Variants in FCRL2 observed in about 807,000 individuals in gnomAD.
FCRL2 encodes Fc receptor like 2.
In FCRL2, 48 loss-of-function variants were observed where a neutral mutation model predicts 59.8. That is an observed-to-expected ratio of 0.80 (90% confidence interval 0.64 to 1.02). The LOEUF is 1.02. Among genes scored for constraint, FCRL2 ranks in the 50% least tolerant of loss-of-function variants. The pLI is 0.00. For synonymous variants in FCRL2, 251 were observed against 229.5 expected, an observed-to-expected ratio of 1.09 and a Z score of -0.85; for missense variants, 658 against 597.3, an observed-to-expected ratio of 1.10 and a Z score of -1.06.
At position 157,748,561 on chromosome 1, in the gene FCRL2, T is replaced by G; in HGVS notation, c.1451A>C (p.Glu484Ala). 1 of 1,613,806 alleles carries G rather than the reference T, an allele frequency of 6.2e-7. No individual in the cohort carries two copies. The highest frequency in any genetic ancestry group is 8.5e-7 in the Non-Finnish European group (1 of 1,179,732). ...ACTTTGCAGTTTCTCACCTGAGCTT[T>G]CTGGCTGCTGCATGCTCCAGACCTG... ...YSQVWSMQQP[E>A]SSANIRTLLE... The change falls in exon 10 of 12, where the codon GAA (glutamate) becomes GCA (alanine). Residue 484 changes from glutamate to alanine, a missense_variant. Physicochemically the swap from Glu to Ala is moderately radical, Grantham distance 107. Transcript: ENST00000361516.
At chr1:157,767,806 T>G in intron 5 of FCRL2, 1 of 920,834 alleles carries the variant, frequency 1.1e-6, no homozygotes, top group Non-Finnish European at 1.5e-6. Context: ...TATCCTATAA[T>G]TTTTTATTAG....
Position 157,767,504 on chromosome 1 carries a change from C to A in FCRL2, c.889G>T (p.Val297Leu). The change falls in exon 6 of 12, where the codon GTG becomes TTG. Residue 297 changes from valine (V) to leucine (L), a missense_variant. By Grantham distance (32) the Val-to-Leu change is conservative. Coordinates refer to ENST00000361516, the MANE Select transcript of FCRL2 (RefSeq NM_030764.4). ...KVVNIPVRIP[V>L]SRPVLTLRSP... ...CTGAGGGTGAGGACAGGGCGAGACA[C>A]TGGAACTGACAGACACAGAGGGGCT... is the stretch of plus-strand genomic sequence containing the variant. The A allele has an allele frequency of 6.2e-7, 1 of 1,614,242 alleles. No homozygotes were observed. The highest frequency in any genetic ancestry group is 8.5e-7 in the Non-Finnish European group (1 of 1,180,042).
chr1:157,770,736 A>T lies in FCRL2; in HGVS notation c.53-70T>A, dbSNP rs1375466558. On this transcript the variant is annotated intron_variant, in intron 2 of 11. Coordinates refer to ENST00000361516, the MANE Select transcript of FCRL2 (RefSeq NM_030764.4). ...ACCCAGACAGACTCCATTGGCAGTG[A>T]GGTGGTCTCAGGCATAGCCTCTACT... 6 of 1,536,486 alleles carry T rather than the reference A, an allele frequency of 3.9e-6. No homozygotes were observed. The African/African-American group carries it at 6.9e-5, about 18-fold the overall frequency.
At chr1:157,775,076 T>A (rs911065273) in intron 2 of FCRL2, among the ~76,000 whole-genome samples, 3 of 152,218 alleles carry the variant, frequency 2.0e-5, no homozygotes, top group South Asian at 2.1e-4. Context: ...CATGCATTTT[T>A]AAAAAATCAA....
In FCRL2 at chr1:157,768,150, G is replaced by A. The variant is rs369112643; in HGVS notation, c.883+264C>T. The stretch of plus-strand genomic sequence containing the variant: ...ACACTCCCTGGCCCAGAGCCCAAAG[G>A]TTTCATGTAATAGATGTTTTATCAT... On this transcript the variant is annotated intron_variant, in intron 5 of 11. Coordinates refer to ENST00000361516, the MANE Select transcript of FCRL2 (RefSeq NM_030764.4). The A allele has an allele frequency of 9.7e-6, 4 of 410,438 alleles. No individual in the cohort carries two copies. In the South Asian group the frequency reaches 1.4e-4, roughly 15 times the overall value. The allele number at this position is 410,438 out of a possible 1,614,324, so 25.4% of individuals were successfully genotyped here. A position where few individuals can be genotyped will look rare whatever the true frequency, so the allele number is the denominator to read the frequency against.
Position 157,774,788 on chromosome 1 carries a change from C to T in FCRL2, c.52+987G>A, listed in dbSNP as rs899835397. Among the ~76,000 whole-genome samples the T allele has an allele frequency of 2.0e-5, 3 of 152,144 alleles. No homozygotes were observed. In the East Asian group the frequency reaches 5.8e-4, roughly 29 times the overall value. On this transcript the variant is annotated intron_variant, in intron 2 of 11. Transcript: ENST00000361516. Reference sequence around the variant, plus strand: ...AGTTCCAGGTAGGACCCCTGAATGTCTCCCTGGACACTCTTGTTCCATTCA... The same window carrying T: ...AGTTCCAGGTAGGACCCCTGAATGTTTCCCTGGACACTCTTGTTCCATTCA...
chr1:157,759,668 A>G (rs575022048), intron 7 of FCRL2, among the ~76,000 whole-genome samples: 1 of 152,356 alleles, frequency 6.6e-6, no homozygotes, highest in African/African-American at 2.4e-5. Flanking sequence ...GAAAAGACAT[A>G]TATGCAGCCA....
chr1:157,759,242 T>C (rs1648839486), intron 7 of FCRL2, among the ~76,000 whole-genome samples: 1 of 152,200 alleles, frequency 6.6e-6, no homozygotes, highest in Non-Finnish European at 1.5e-5. Flanking sequence ...TGAGGCCTTC[T>C]CAGTCATGTG....
At chr1:157,767,802 AT>A in intron 5 of FCRL2, 1 of 938,860 alleles carries the variant, frequency 1.1e-6, no homozygotes, top group Non-Finnish European at 1.5e-6. Context: ...TTTGTATCCT[AT>A]AATTTTTTAT....
At position 157,746,449 on chromosome 1, in the gene FCRL2, T is replaced by C. The variant is rs1302431304; in HGVS notation, c.*287A>G. The C allele has an allele frequency of 1.8e-5, 9 of 500,280 alleles. No individual in the cohort carries two copies. In the Admixed American group the frequency reaches 2.7e-4, roughly 15 times the overall value. The allele number at this position is 500,280 out of a possible 1,614,324, so 31.0% of individuals were successfully genotyped here. On this transcript the variant is annotated 3_prime_UTR_variant, in exon 12 of 12. Transcript: ENST00000361516. ...GATGAAGGTGAGACCTTGTATCTCT[T>C]ATTCATTCTTCCCTCAAATCTTTAC...
intron 7 of FCRL2, 149 bp downstream of exon 7, chr1:157,766,706 C>T: frequency 1.5e-6 from 2 of 1,324,610 alleles, no homozygotes; most frequent in Non-Finnish European, 2.1e-6. Flanking sequence ...TTGAGCATTG[C>T]ACAGAGCCTT....
At position 157,767,276 on chromosome 1, in the gene FCRL2, C is replaced by A; in HGVS notation, c.1117G>T (p.Gly373Cys). ...GCCTCACTGCACTGGGCCCCCAGGC[C>A]GTTGTTGGCCTCACAGGAGTAGTTT... is the stretch of plus-strand genomic sequence containing the variant. ...SGNYSCEANN[G>C]LGAQCSEAVP... The change falls in exon 6 of 12, where the codon GGC becomes TGC. Residue 373 changes from glycine to cysteine, a missense_variant. By Grantham distance (159) the Gly-to-Cys change is radical (BLOSUM62 -3). Coordinates refer to ENST00000361516, the MANE Select transcript of FCRL2 (RefSeq NM_030764.4). The A allele has an allele frequency of 2.5e-6, 4 of 1,614,126 alleles. No individual in the cohort carries two copies. In the South Asian group the frequency reaches 4.4e-5, roughly 18 times the overall value.
At position 157,768,623 on chromosome 1, in the gene FCRL2, A is replaced by C. The variant is rs1320581998; in HGVS notation, c.674T>G (p.Leu225Arg). ...QVTEGQKLILLCSVAGGTGNV... is the reference protein window; with the variant it reads ...QVTEGQKLILRCSVAGGTGNV... ...TCCTGTACCCCCAGCCACTGAGCAG[A>C]GCAGGATCAGTTTTTGTCCTTCAGT... The change falls in exon 5 of 12, where the codon CTC becomes CGC. Residue 225 changes from leucine to arginine, a missense_variant. By Grantham distance (102) the Leu-to-Arg change is moderately radical (BLOSUM62 -2). Transcript: ENST00000361516. The C allele has an allele frequency of 6.2e-7, 1 of 1,614,150 alleles. No individual in the cohort carries two copies. Among genetic ancestry groups the C allele is most frequent in the Non-Finnish European group, 8.5e-7 (1 of 1,180,000 alleles).
At chr1:157,774,868 CT>C (rs1354666334) in intron 2 of FCRL2, among the ~76,000 whole-genome samples, 1 of 152,156 alleles carries the variant, frequency 6.6e-6, no homozygotes, top group Non-Finnish European at 1.5e-5. Context: ...CAAAGAGCCC[CT>C]TCCACTTGGT....
At chr1:157,756,768 A>T (rs1319206115) in intron 7 of FCRL2, among the ~76,000 whole-genome samples, 1 of 152,096 alleles carries the variant, frequency 6.6e-6, no homozygotes, top group Admixed American at 6.6e-5. Context: ...TTGGAAGCAA[A>T]TTTAGTAAAA....
At chr1:157,775,703 C>G in intron 2 of FCRL2, 72 bp downstream of exon 2, 1 of 1,556,602 alleles carries the variant, frequency 6.4e-7, no homozygotes, top group Middle Eastern at 1.7e-4. Context: ...AGAGCCACCT[C>G]TATAGAATCC....
At chr1:157,756,603 T>G (rs969873812) in intron 7 of FCRL2, among the ~76,000 whole-genome samples, 1 of 150,608 alleles carries the variant, frequency 6.6e-6, no homozygotes, top group African/African-American at 2.5e-5. Flanking sequence ...CACCTGAACT[T>G]GGGACATCAA....
chr1:157,756,533 A>G (rs1395285253), intron 7 of FCRL2, among the ~76,000 whole-genome samples: 1 of 152,160 alleles, frequency 6.6e-6, no homozygotes, highest in Non-Finnish European at 1.5e-5. Flanking sequence ...TTAAAAAATT[A>G]GCAAGGCATG....
chr1:157,748,352 G>A (rs925578460), intron 10 of FCRL2, among the ~76,000 whole-genome samples: 3 of 152,084 alleles, frequency 2.0e-5, no homozygotes, highest in South Asian at 2.1e-4. Flanking sequence ...TCAGCTCACA[G>A]GCAGAGATTG....
Sources: allele counts gnomAD v4.1 joint callset (sites outside exome capture counted in the v4.1 genomes callset), GRCh38; gene constraint gnomAD v4.1.1; transcripts MANE v1.5; gene names NCBI Gene and HGNC (gene_info 2026-07-23, HGNC 2026-07-21).